Variants in TSPAN18 observed in about 807,000 individuals in gnomAD.
TSPAN18 encodes tetraspanin 18.
In TSPAN18, 14 loss-of-function variants were observed where a neutral mutation model predicts 27.3. The ratio of observed to expected loss-of-function variants is 0.51; its 90% CI spans 0.34 to 0.80. The LOEUF (loss-of-function observed/expected upper bound fraction) is 0.80. TSPAN18 is among the 30% of genes least tolerant of loss of function. The pLI is 0.01. For missense variants in TSPAN18, 268 were observed against 323.9 expected, an observed-to-expected ratio of 0.83 and a Z score of 1.32; for synonymous variants, 143 against 136.5, an observed-to-expected ratio of 1.05 and a Z score of -0.33.
intron 2 of TSPAN18, among the ~76,000 whole-genome samples, chr11:44,857,188 T>C (rs1857760890): frequency 6.6e-6 from 1 of 152,238 alleles, no homozygotes; most frequent in South Asian, 2.1e-4. Context: ...CCTGGGGAAC[T>C]CTCTGCTGTT....
At chr11:44,804,113 T>C (rs199737724) in intron 2 of TSPAN18, among the ~76,000 whole-genome samples, 127 of 149,166 alleles carry the variant, frequency 8.5e-4, no homozygotes, top group Non-Finnish European at 1.0e-3. Context: ...CTTTTTTTTT[T>C]CCCCCCAGAG....
chr11:44,845,726 C>T (rs1229498274), intron 2 of TSPAN18, among the ~76,000 whole-genome samples: 1 of 152,216 alleles, frequency 6.6e-6, no homozygotes, highest in Non-Finnish European at 1.5e-5. Flanking sequence ...AATGGGTGAG[C>T]CTGTTGCCTG....
intron 1 of TSPAN18, among the ~76,000 whole-genome samples, chr11:44,750,529 G>A (rs549810900): frequency 6.6e-6 from 1 of 152,306 alleles, no homozygotes. Flanking sequence ...GCGGTATGTA[G>A]GGGATCTTAA....
intron 3 of TSPAN18, among the ~76,000 whole-genome samples, chr11:44,883,440 C>T (rs1858550475): frequency 6.6e-6 from 1 of 152,212 alleles, no homozygotes; most frequent in South Asian, 2.1e-4. Flanking sequence ...ACAGCGCGTG[C>T]TTCTTTTCCG....
At chr11:44,876,996 G>A (rs1414566774) in intron 3 of TSPAN18, among the ~76,000 whole-genome samples, 1 of 152,354 alleles carries the variant, frequency 6.6e-6, no homozygotes, top group Middle Eastern at 3.4e-3. Context: ...CCCCTGCAGA[G>A]CCTGCAGCGG....
intron 2 of TSPAN18, among the ~76,000 whole-genome samples, chr11:44,771,033 G>T (rs1002149874): frequency 6.6e-6 from 1 of 152,156 alleles, no homozygotes; most frequent in Non-Finnish European, 1.5e-5. Context: ...TGGGGTTCAG[G>T]GGTGAGGGTG....
In TSPAN18 at chr11:44,930,606, T is replaced by C. The variant is rs1263837549; in HGVS notation, c.*1428T>C. 1 of 323,296 alleles carries C rather than the reference T, an allele frequency of 3.1e-6. No individual in the cohort carries two copies. Among genetic ancestry groups the C allele is most frequent in the Non-Finnish European group, 6.2e-6 (1 of 162,212 alleles). The allele number at this position is 323,296 out of a possible 1,614,324, so 20.0% of individuals were successfully genotyped here. ...AGACTCGCAGATGCACACCCACAAG[T>C]ATTCAGTTCTCAAACTCTAGACGAG... On this transcript the variant is annotated 3_prime_UTR_variant, in exon 10 of 10. Coordinates refer to ENST00000520358, the MANE Select transcript of TSPAN18 (RefSeq NM_130783.5).
At chr11:44,873,079 G>A (rs527550319) in intron 3 of TSPAN18, among the ~76,000 whole-genome samples, 16 of 152,294 alleles carry the variant, frequency 1.1e-4, no homozygotes, top group Middle Eastern at 3.4e-3. Flanking sequence ...GAAGATGGTC[G>A]AAATGCTTGG....
chr11:44,729,300 T>A (rs1854595360), intron 1 of TSPAN18, among the ~76,000 whole-genome samples: 1 of 152,158 alleles, frequency 6.6e-6, no homozygotes, highest in Non-Finnish European at 1.5e-5. Context: ...TGACTCTTGT[T>A]TTTCTGTGGA....
intron 3 of TSPAN18, among the ~76,000 whole-genome samples, chr11:44,881,797 T>G (rs566439058): frequency 6.6e-6 from 1 of 152,182 alleles, no homozygotes; most frequent in Non-Finnish European, 1.5e-5. Flanking sequence ...TTGTCTCCAG[T>G]TGCAGGCACC....
intron 2 of TSPAN18, among the ~76,000 whole-genome samples, chr11:44,810,285 C>T (rs2135095100): frequency 6.6e-6 from 1 of 152,274 alleles, no homozygotes; most frequent in South Asian, 2.1e-4. Flanking sequence ...CAGTTTCTCC[C>T]CACCCTCCTC....
chr11:44,904,749 G>A (rs999148146), intron 3 of TSPAN18, among the ~76,000 whole-genome samples: 2 of 152,238 alleles, frequency 1.3e-5, no homozygotes, highest in Non-Finnish European at 2.9e-5. Flanking sequence ...TGCTCCATCT[G>A]TTCCTTATGA....
intron 1 of TSPAN18, among the ~76,000 whole-genome samples, chr11:44,730,323 G>A (rs1489540948): frequency 6.6e-6 from 1 of 152,140 alleles, no homozygotes; most frequent in Non-Finnish European, 1.5e-5. Flanking sequence ...TCAGTTCCTG[G>A]GGTGCAGGTT....
rs1418069900 is a variant in TSPAN18, at chr11:44,906,446, G to A, written c.30G>A (p.Lys10=). The change falls in exon 4 of 10, where the codon AAG becomes AAA. Residue 10 remains lysine, a synonymous_variant. Coordinates refer to ENST00000520358, the MANE Select transcript of TSPAN18 (RefSeq NM_130783.5). ...AAGGCGACTGTCTGAGCTGCATGAA[G>A]TATCTGATGTTTGTATTCAATTTCT... MEGDCLSCM[K]YLMFVFNFFI... is the part of the protein sequence containing the mutation. The A allele has an allele frequency of 1.2e-6, 2 of 1,614,232 alleles. No individual in the cohort carries two copies. The highest frequency in any genetic ancestry group is 2.2e-5 in the East Asian group (1 of 44,886).
chr11:44,838,911 A>G (rs1857314681), intron 2 of TSPAN18, among the ~76,000 whole-genome samples: 1 of 152,178 alleles, frequency 6.6e-6, no homozygotes, highest in Non-Finnish European at 1.5e-5. Flanking sequence ...TGATCATTTA[A>G]TTTTATGTGT....
chr11:44,748,379 C>T (rs1855131426), intron 1 of TSPAN18, among the ~76,000 whole-genome samples: 1 of 150,152 alleles, frequency 6.7e-6, no homozygotes, highest in African/African-American at 2.5e-5. Flanking sequence ...GCCTGGGTGA[C>T]AGAGTGAGAC....
At chr11:44,929,055 C>T (rs867296037) in intron 9 of TSPAN18, 76 bp from the exon 10 acceptor site, 78 of 1,580,468 alleles carry the variant, frequency 4.9e-5, no homozygotes, top group Middle Eastern at 3.3e-4. Context: ...CACTCCCCTT[C>T]CCCTGGAGTG....
chr11:44,882,627 C>CACACACACACACACACACACACAGAG (rs375349718), intron 3 of TSPAN18, among the ~76,000 whole-genome samples: 103 of 130,668 alleles, frequency 7.9e-4, no homozygotes, highest in Non-Finnish European at 1.3e-3. Context: ...CACACACACA[C>CACACACACACACACACACACACAGAG]AGAGAGAGAG....
intron 1 of TSPAN18, among the ~76,000 whole-genome samples, chr11:44,762,096 G>A (rs993962862): frequency 2.0e-5 from 3 of 152,242 alleles, no homozygotes; most frequent in Non-Finnish European, 4.4e-5. Context: ...AAGGCGGGAT[G>A]TGGCCAGCCT....
Sources: allele counts gnomAD v4.1 joint callset (sites outside exome capture counted in the v4.1 genomes callset), GRCh38; gene constraint gnomAD v4.1.1; transcripts MANE v1.5; gene names NCBI Gene and HGNC (gene_info 2026-07-23, HGNC 2026-07-21).